Variants in NCKAP5 observed in about 807,000 individuals in gnomAD.
NCKAP5 encodes the protein NCK associated protein 5.
Under a neutral mutation model 167.0 loss-of-function variants are expected in NCKAP5, and 92 were observed. The observed-to-expected ratio is 0.55, with a 90% CI of 0.47 to 0.66. NCKAP5 has a LOEUF of 0.66. Ranked by LOEUF, NCKAP5 falls within the 30% of genes least tolerant of loss-of-function variation. The pLI is 0.00. For synonymous variants in NCKAP5, 891 were observed against 877.4 expected, an observed-to-expected ratio of 1.02 and a Z score of -0.27; for missense variants, 2,378 against 2,315.0, an observed-to-expected ratio of 1.03 and a Z score of -0.56.
At chr2:132,899,937 C>T (rs920261841) in intron 8 of NCKAP5, among the ~76,000 whole-genome samples, 1 of 152,068 alleles carries the variant, frequency 6.6e-6, no homozygotes, top group African/African-American at 2.4e-5. Flanking sequence ...AGACATGTTC[C>T]TCTTCCTTTT....
chr2:132,753,350 A>G (rs10496691), intron 16 of NCKAP5, among the ~76,000 whole-genome samples: 4,711 of 152,242 alleles, frequency 0.031, 198 homozygotes, highest in East Asian at 0.16. Flanking sequence ...AAGAGACATT[A>G]TTATTACTTA....
chr2:132,831,393 A>G (rs1574359212), intron 11 of NCKAP5, among the ~76,000 whole-genome samples: 1 of 152,230 alleles, frequency 6.6e-6, no homozygotes, highest in Non-Finnish European at 1.5e-5. Context: ...ACAAAAGTGT[A>G]GCACCCACTT....
intron 16 of NCKAP5, among the ~76,000 whole-genome samples, chr2:132,762,172 T>A (rs887722766): frequency 6.6e-6 from 1 of 152,200 alleles, no homozygotes; most frequent in Non-Finnish European, 1.5e-5. Context: ...AGGGCTGATG[T>A]GAGGACAAAA....
chr2:133,071,028 T>C (rs1337916349), intron 6 of NCKAP5, among the ~76,000 whole-genome samples: 3 of 152,140 alleles, frequency 2.0e-5, no homozygotes, highest in Non-Finnish European at 4.4e-5. Flanking sequence ...CATATATCCA[T>C]CAATTACTTT....
chr2:132,676,283 C>CTT lies in NCKAP5; in HGVS notation c.5714-2980_5714-2979dup, dbSNP rs61213029. On this transcript the variant is annotated intron_variant, in intron 19 of 19. Coordinates refer to ENST00000409261, the MANE Select transcript of NCKAP5 (RefSeq NM_207363.3). ...TCTGAGCTAGGGATGTTGTTTTATC[C>CTT]TTTTTTTTTTTTTTTTTTTTTTTTT... 1.3e-3 allele frequency among the ~76,000 whole-genome samples: 80 copies of CTT among 61,172 alleles called. 5 individuals are homozygous for CTT. The highest frequency in any genetic ancestry group is 2.2e-3 in the African/African-American group (29 of 12,934). The allele number at this position is 61,172 out of a possible 152,430, so 40.1% of individuals were successfully genotyped here.
chr2:132,747,560 G>A (rs1679755387), intron 16 of NCKAP5, among the ~76,000 whole-genome samples: 2 of 152,172 alleles, frequency 1.3e-5, no homozygotes, highest in South Asian at 4.1e-4. Flanking sequence ...TTCCAGTAGG[G>A]TGGGGATCCC....
intron 3 of NCKAP5, among the ~76,000 whole-genome samples, chr2:133,413,628 CTT>C (rs1244387304): frequency 9.2e-5 from 14 of 151,886 alleles, no homozygotes; most frequent in Non-Finnish European, 2.9e-5. Flanking sequence ...ATGAGCTAAA[CTT>C]TATAAATCAG....
chr2:133,284,089 G>A (rs528413240), intron 4 of NCKAP5, among the ~76,000 whole-genome samples: 71 of 152,116 alleles, frequency 4.7e-4, no homozygotes, highest in African/African-American at 1.6e-3. Context: ...AATGAGTCCA[G>A]GGTTACTCTT....
chr2:133,367,165 C>G (rs1685502928), intron 3 of NCKAP5, among the ~76,000 whole-genome samples: 1 of 152,178 alleles, frequency 6.6e-6, no homozygotes, highest in African/African-American at 2.4e-5. Flanking sequence ...AAACCCTTCC[C>G]AGCCGAGGAG....
At chr2:133,245,001 C>T (rs777381583) in intron 4 of NCKAP5, among the ~76,000 whole-genome samples, 7 of 152,256 alleles carry the variant, frequency 4.6e-5, no homozygotes, top group Non-Finnish European at 7.4e-5. Context: ...GCAATATCTA[C>T]ACCCAGTTAA....
intron 6 of NCKAP5, among the ~76,000 whole-genome samples, chr2:133,061,876 A>G (rs1012122019): frequency 6.6e-6 from 1 of 152,120 alleles, no homozygotes; most frequent in Admixed American, 6.5e-5. Flanking sequence ...CCACCTCCTA[A>G]ACACCTTTCT....
At chr2:133,180,690 C>T (rs1250348492) in intron 5 of NCKAP5, among the ~76,000 whole-genome samples, 3 of 152,040 alleles carry the variant, frequency 2.0e-5, no homozygotes, top group Non-Finnish European at 4.4e-5. Context: ...AAAGAAGTAA[C>T]CAACTCAAAA....
Position 132,673,695 on chromosome 2 carries a change from T to C in NCKAP5, c.5714-390A>G, listed in dbSNP as rs577822523. ...GGTATTGAATTTCAGCCAGAAGTTA[T>C]GGTAATATGTTTTTTTCTAATAAAA... On this transcript the variant is annotated intron_variant, in intron 19 of 19. Transcript: ENST00000409261. Among the ~76,000 whole-genome samples the C allele has an allele frequency of 7.9e-5, 12 of 152,316 alleles. No individual in the cohort carries two copies. The South Asian group carries it at 2.5e-3, about 32-fold the overall frequency.
At chr2:133,321,794 C>G (rs1460438016) in intron 3 of NCKAP5, among the ~76,000 whole-genome samples, 1 of 152,164 alleles carries the variant, frequency 6.6e-6, no homozygotes, top group Non-Finnish European at 1.5e-5. Context: ...TAGCCACATA[C>G]AATGCATTTA....
chr2:133,140,699 C>G (rs2082964513), intron 5 of NCKAP5, among the ~76,000 whole-genome samples: 2 of 150,852 alleles, frequency 1.3e-5, no homozygotes, highest in African/African-American at 4.9e-5. Context: ...ACAGTCTTTG[C>G]TGTTTCACAT....
At position 133,375,592 on chromosome 2, in the gene NCKAP5, C is replaced by T. The variant is rs564502720; in HGVS notation, c.70-72482G>A. Among the ~76,000 whole-genome samples the T allele has an allele frequency of 3.9e-5, 6 of 152,264 alleles. No homozygotes were observed. In the South Asian group the frequency reaches 1.0e-3, roughly 26 times the overall value. ...ATTTTTCCTGATCCTCTCTCTCCTC[C>T]CACCCTCTGCCCTCTGGTAGGCACC... On this transcript the variant is annotated intron_variant, in intron 3 of 19. Transcript: ENST00000409261.
chr2:132,984,652 GT>G (rs2077237477), intron 7 of NCKAP5, among the ~76,000 whole-genome samples: 1 of 151,910 alleles, frequency 6.6e-6, no homozygotes, highest in South Asian at 2.1e-4. Flanking sequence ...GAAAGTGTAT[GT>G]TTTTTTCCAG....
intron 6 of NCKAP5, among the ~76,000 whole-genome samples, chr2:133,049,626 A>G (rs2079536823): frequency 6.6e-6 from 1 of 151,966 alleles, no homozygotes; most frequent in African/African-American, 2.4e-5. Flanking sequence ...ATCATGGGGT[A>G]TAAGTGGTAG....
chr2:133,040,681 C>T (rs2079187383), intron 6 of NCKAP5, among the ~76,000 whole-genome samples: 1 of 152,112 alleles, frequency 6.6e-6, no homozygotes, highest in African/African-American at 2.4e-5. Context: ...ATGTATCCAA[C>T]ATATTGCAAA....
Sources: allele counts gnomAD v4.1 joint callset (sites outside exome capture counted in the v4.1 genomes callset), GRCh38; gene constraint gnomAD v4.1.1; transcripts MANE v1.5; gene names NCBI Gene and HGNC (gene_info 2026-07-23, HGNC 2026-07-21).